KLF12: variants seen among roughly 807,000 people sequenced by gnomAD.
KLF12 encodes KLF transcription factor 12, also known as Krueppel-like factor 12.
Under a neutral mutation model 37.8 loss-of-function variants are expected in KLF12, and 9 were observed. The observed-to-expected ratio is 0.24, with a 90% CI of 0.14 to 0.42. The LOEUF (loss-of-function observed/expected upper bound fraction) is 0.42, where lower values mean the gene tolerates loss of function less well. Among genes scored for constraint, KLF12 ranks in the 10% least tolerant of loss-of-function variants. The pLI is 1.00. For missense variants in KLF12, 411 were observed against 516.0 expected (o/e 0.80, Z 1.97); for synonymous variants, 208 against 202.1 (o/e 1.03, Z -0.25).
chr13:74,153,922 C>T, the KLF12 span, among the ~76,000 whole-genome samples: 6,072 of 152,142 alleles, frequency 0.04, 162 homozygotes, highest in Middle Eastern at 0.1. Context: ...AACCCCCCAC[C>T]GAAGCAATAA....
intron 1 of KLF12, among the ~76,000 whole-genome samples, chr13:73,996,959 C>A (rs943957263): frequency 2.0e-5 from 3 of 150,572 alleles, no homozygotes; most frequent in African/African-American, 7.5e-5. Flanking sequence ...AAGGTTCTTA[C>A]AAACCCCTGT....
chr13:74,189,375 T>C, the KLF12 span, among the ~76,000 whole-genome samples: 1,507 of 152,280 alleles, frequency 9.9e-3, 26 homozygotes, highest in African/African-American at 0.031. Context: ...CTATATCTGG[T>C]ACACGTTCTT....
At chr13:73,936,754 C>G (rs1052680358) in intron 3 of KLF12, among the ~76,000 whole-genome samples, 1 of 152,162 alleles carries the variant, frequency 6.6e-6, no homozygotes, top group African/African-American at 2.4e-5. Context: ...GTTTTCTGCT[C>G]TCCTCTCAAG....
At chr13:73,815,219 A>G (rs189244502) in intron 4 of KLF12, among the ~76,000 whole-genome samples, 1 of 152,330 alleles carries the variant, frequency 6.6e-6, no homozygotes, top group African/African-American at 2.4e-5. Flanking sequence ...GGGATGTTGG[A>G]GAAACTGTAG....
At chr13:73,700,099 A>C (rs965454135) in intron 7 of KLF12, among the ~76,000 whole-genome samples, 2 of 151,888 alleles carry the variant, frequency 1.3e-5, no homozygotes, top group South Asian at 2.1e-4. Context: ...GCAAAACCTT[A>C]TGTCTATCAA....
intron 2 of KLF12, among the ~76,000 whole-genome samples, chr13:73,946,063 C>CCTCGACT (rs1253449497): frequency 6.6e-6 from 1 of 152,122 alleles, no homozygotes; most frequent in Non-Finnish European, 1.5e-5. Context: ...GCCGGCCAGC[C>CCTCGACT]CTCGACTCTC....
rs373570592 is a variant in KLF12 at position 73,867,050 on chromosome 13, A to G, written c.124-20677T>C. Among the ~76,000 whole-genome samples, 10 of 152,304 alleles carry G rather than the reference A, an allele frequency of 6.6e-5. No individual in the cohort carries two copies. In the East Asian group the frequency reaches 1.7e-3, roughly 26 times the overall value. Reference sequence around the variant, plus strand: ...TTTACACTAAAGAGAAGGTAGGGAAAGGAAATTTTAAAATATCAGGAAAAA... The same window carrying G: ...TTTACACTAAAGAGAAGGTAGGGAAGGGAAATTTTAAAATATCAGGAAAAA... On this transcript the variant is annotated intron_variant, in intron 3 of 7. Coordinates refer to ENST00000377669, the MANE Select transcript of KLF12 (RefSeq NM_007249.5).
At chr13:73,778,804 G>A (rs907458111) in intron 5 of KLF12, among the ~76,000 whole-genome samples, 1 of 152,044 alleles carries the variant, frequency 6.6e-6, no homozygotes, top group Non-Finnish European at 1.5e-5. Context: ...TGAAACTCAA[G>A]TCCAGGCCTG....
intron 4 of KLF12, among the ~76,000 whole-genome samples, chr13:73,837,067 C>T (rs547158241): frequency 6.6e-6 from 1 of 152,314 alleles, no homozygotes; most frequent in Non-Finnish European, 1.5e-5. Flanking sequence ...TTTATCTTCA[C>T]TTCCTTAAGT....
chr13:73,925,782 G>A (rs1209764649), intron 3 of KLF12, among the ~76,000 whole-genome samples: 1 of 152,168 alleles, frequency 6.6e-6, no homozygotes, highest in African/African-American at 2.4e-5. Flanking sequence ...TTCATGGGAG[G>A]AGGTCAAAGT....
At chr13:74,124,211 T>A (rs1877806437) in intron 1 of KLF12, among the ~76,000 whole-genome samples, 1 of 152,222 alleles carries the variant, frequency 6.6e-6, no homozygotes. Flanking sequence ...TATTTTGTGT[T>A]TGCTAAAGTT....
chr13:74,212,895 AG>A, the KLF12 span, among the ~76,000 whole-genome samples: 4 of 152,188 alleles, frequency 2.6e-5, no homozygotes, highest in Non-Finnish European at 5.9e-5. Flanking sequence ...TTATTAACAA[AG>A]ATGGAAGGAA....
At chr13:73,829,871 A>T (rs1042245333) in intron 4 of KLF12, among the ~76,000 whole-genome samples, 1 of 152,252 alleles carries the variant, frequency 6.6e-6, no homozygotes, top group Non-Finnish European at 1.5e-5. Context: ...ATACTGAAAA[A>T]TAGTTATAAA....
chr13:74,168,410 G>T, the KLF12 span, among the ~76,000 whole-genome samples: 1 of 152,188 alleles, frequency 6.6e-6, no homozygotes, highest in Admixed American at 6.5e-5. Context: ...GGCTGTCAAT[G>T]TTTACTTGCG....
At chr13:74,034,034 G>A (rs1037007190) in intron 1 of KLF12, among the ~76,000 whole-genome samples, 3 of 151,236 alleles carry the variant, frequency 2.0e-5, no homozygotes, top group African/African-American at 7.3e-5. Flanking sequence ...CTGTTTACTG[G>A]TCATTTACGC....
chr13:74,155,654 C>T, the KLF12 span, among the ~76,000 whole-genome samples: 4 of 151,666 alleles, frequency 2.6e-5, no homozygotes, highest in South Asian at 6.2e-4. Context: ...GGAACCACCA[C>T]GCCCAGCCTG....
chr13:74,214,126 T>C, the KLF12 span, among the ~76,000 whole-genome samples: 1 of 152,198 alleles, frequency 6.6e-6, no homozygotes, highest in African/African-American at 2.4e-5. Context: ...TATTTTTTAT[T>C]TGCCTAGGTT....
intron 1 of KLF12, among the ~76,000 whole-genome samples, chr13:74,033,672 A>G (rs1311217682): frequency 6.6e-6 from 1 of 152,212 alleles, no homozygotes; most frequent in Non-Finnish European, 1.5e-5. Flanking sequence ...AATGTGCCAC[A>G]TTTATGTAAC....
chr13:74,035,682 G>T (rs536241485), intron 1 of KLF12, among the ~76,000 whole-genome samples: 1 of 152,024 alleles, frequency 6.6e-6, no homozygotes, highest in South Asian at 2.1e-4. Flanking sequence ...CATTTCTGAG[G>T]GGTTGAAAGG....
Sources: allele counts gnomAD v4.1 joint callset (sites outside exome capture counted in the v4.1 genomes callset), GRCh38; gene constraint gnomAD v4.1.1; transcripts MANE v1.5; gene names NCBI Gene and HGNC (gene_info 2026-07-23, HGNC 2026-07-21).